Variants in TMEM196 observed in about 807,000 individuals in gnomAD.
TMEM196 encodes the protein transmembrane protein 196.
In TMEM196, 17 loss-of-function variants were observed where a neutral mutation model predicts 20.0. That is an observed-to-expected ratio of 0.85 (90% confidence interval 0.58 to 1.27). The LOEUF (loss-of-function observed/expected upper bound fraction) is 1.27. TMEM196 is among the 50% of genes most tolerant of loss of function. The pLI is 0.00. For synonymous variants in TMEM196, 113 were observed against 88.9 expected (o/e 1.27, Z -1.52); for missense variants, 267 against 223.0 (o/e 1.20, Z -1.26).
At chr7:19,738,988 C>T (rs1784497560) in intron 1 of TMEM196, among the ~76,000 whole-genome samples, 1 of 152,060 alleles carries the variant, frequency 6.6e-6, no homozygotes, top group African/African-American at 2.4e-5. Context: ...CAAACACCAC[C>T]TCAATCAGGT....
At chr7:19,763,494 A>G (rs892894603) in intron 1 of TMEM196, among the ~76,000 whole-genome samples, 2 of 152,188 alleles carry the variant, frequency 1.3e-5, no homozygotes, top group African/African-American at 4.8e-5. Context: ...TTGATCTAAA[A>G]CAATTATTCC....
chr7:19,726,656 A>C (rs905558194), intron 2 of TMEM196, among the ~76,000 whole-genome samples: 14 of 152,124 alleles, frequency 9.2e-5, no homozygotes, highest in African/African-American at 2.9e-4. Context: ...ATCAACAACT[A>C]TCATAGGATC....
chr7:19,734,147 C>T (rs1001171563), intron 1 of TMEM196, among the ~76,000 whole-genome samples: 2 of 152,172 alleles, frequency 1.3e-5, no homozygotes, highest in African/African-American at 4.8e-5. Context: ...GACTATTTTG[C>T]ACCACAGATA....
chr7:19,759,625 G>GAC (rs1230199060), intron 1 of TMEM196, among the ~76,000 whole-genome samples: 1 of 151,336 alleles, frequency 6.6e-6, no homozygotes, highest in Non-Finnish European at 1.5e-5. Context: ...TCCTACACCA[G>GAC]ACACACACAC....
At chr7:19,732,572 C>CAAA (rs1306393130) in intron 1 of TMEM196, among the ~76,000 whole-genome samples, 1 of 51,100 alleles carries the variant, frequency 2.0e-5, no homozygotes, top group Non-Finnish European at 4.0e-5. Flanking sequence ...GACTCCATCT[C>CAAA]AAAAAAAAAA....
intron 1 of TMEM196, among the ~76,000 whole-genome samples, chr7:19,735,766 G>A (rs980725180): frequency 1.3e-5 from 2 of 152,050 alleles, no homozygotes; most frequent in African/African-American, 4.8e-5. Flanking sequence ...TTTTAACACA[G>A]CTTATTAAAA....
At chr7:19,757,666 T>C (rs1469917131) in intron 1 of TMEM196, among the ~76,000 whole-genome samples, 1 of 152,160 alleles carries the variant, frequency 6.6e-6, no homozygotes, top group Non-Finnish European at 1.5e-5. Context: ...AGCAAAATCA[T>C]GAGTTAAAGT....
intron 1 of TMEM196, among the ~76,000 whole-genome samples, chr7:19,736,670 G>A (rs1784419843): frequency 6.6e-6 from 1 of 151,466 alleles, no homozygotes; most frequent in African/African-American, 2.4e-5. Context: ...TCATTTTAGG[G>A]TTCTCCACTT....
At chr7:19,761,898 G>A (rs1037488008) in intron 1 of TMEM196, among the ~76,000 whole-genome samples, 4 of 152,076 alleles carry the variant, frequency 2.6e-5, no homozygotes, top group Admixed American at 1.3e-4. Flanking sequence ...TTCTCAGAAC[G>A]CAATTTCTTC....
intron 1 of TMEM196, among the ~76,000 whole-genome samples, chr7:19,758,297 T>G (rs1487079145): frequency 6.6e-6 from 1 of 152,176 alleles, no homozygotes; most frequent in East Asian, 1.9e-4. Flanking sequence ...CCAAAATTGG[T>G]GTAGAAAGCC....
chr7:19,765,591 T>C (rs1785595586), intron 1 of TMEM196, among the ~76,000 whole-genome samples: 1 of 152,202 alleles, frequency 6.6e-6, no homozygotes, highest in South Asian at 2.1e-4. Flanking sequence ...TTTTATGGCA[T>C]AAATAATGGT....
chr7:19,768,089 A>T (rs1232399845), intron 1 of TMEM196, among the ~76,000 whole-genome samples: 2 of 152,098 alleles, frequency 1.3e-5, no homozygotes, highest in African/African-American at 2.4e-5. Flanking sequence ...TCGCTGAAGC[A>T]AAACATCAGA....
At chr7:19,753,165 TC>T (rs1785060887) in intron 1 of TMEM196, among the ~76,000 whole-genome samples, 1 of 152,190 alleles carries the variant, frequency 6.6e-6, no homozygotes, top group Non-Finnish European at 1.5e-5. Flanking sequence ...TAAAATCCCA[TC>T]TTTTTCTCCT....
chr7:19,744,093 A>T (rs1459626625), intron 1 of TMEM196, among the ~76,000 whole-genome samples: 8 of 152,174 alleles, frequency 5.3e-5, no homozygotes, highest in African/African-American at 1.9e-4. Context: ...AGCTAATAAA[A>T]GACCCAGGGA....
Position 19,739,205 on chromosome 7 carries a change from T to C in TMEM196, c.148-9767A>G, listed in dbSNP as rs73680701. 9.5e-3 allele frequency among the ~76,000 whole-genome samples: 1,452 copies of C among 152,224 alleles called. 23 individuals carry two copies. Among genetic ancestry groups the C allele is most frequent in the African/African-American group, 0.033 (1,361 of 41,550 alleles). On this transcript the variant is annotated intron_variant, in intron 1 of 4. Coordinates refer to ENST00000405844, the MANE Select transcript of TMEM196 (RefSeq NM_001363562.2). ...TGAAACTATCATTATTTGCAGACAA[T>C]ATAATTGATATATGAAATTCCCAAG...
At chr7:19,761,999 T>C (rs902716895) in intron 1 of TMEM196, among the ~76,000 whole-genome samples, 1 of 152,188 alleles carries the variant, frequency 6.6e-6, no homozygotes, top group Non-Finnish European at 1.5e-5. Flanking sequence ...TTGTGATCGT[T>C]TTTTCTTTTT....
At chr7:19,754,932 C>T (rs1785143635) in intron 1 of TMEM196, among the ~76,000 whole-genome samples, 1 of 152,126 alleles carries the variant, frequency 6.6e-6, no homozygotes, top group Non-Finnish European at 1.5e-5. Flanking sequence ...GCTGATACAG[C>T]ACTTATTATT....
intron 1 of TMEM196, among the ~76,000 whole-genome samples, chr7:19,754,672 GA>G (rs71017072): frequency 6.7e-5 from 10 of 148,698 alleles, no homozygotes; most frequent in South Asian, 2.1e-4. Context: ...AAAGGAAAAA[GA>G]AAAAAAAAAG....
rs750398997 is a variant in TMEM196 at position 19,725,628 on chromosome 7, G to A, written c.345C>T (p.Ile115=). The A allele has an allele frequency of 1.9e-5, 30 of 1,614,002 alleles. No homozygotes were observed. Among genetic ancestry groups the A allele is most frequent in the African/African-American group, 4.0e-5 (3 of 74,902 alleles). ...GCCAGGAAGAGAGAGTGCAGCCCCC[G>A]ATCCCAATGCACGCGAGAGACATGG... ...LASMSLACIG[I]GGCTLSSWLT... The change falls in exon 3 of 5, where the codon ATC becomes ATT. Residue 115 remains isoleucine (I), a synonymous_variant. Transcript: ENST00000405844.
Sources: gnomAD v4.1 joint callset for allele counts (sites outside exome capture counted in the v4.1 genomes callset) on GRCh38, gnomAD v4.1.1 for gene constraint, MANE v1.5 for transcripts, NCBI Gene and HGNC (gene_info 2026-07-23, HGNC 2026-07-21) for gene names.